PTPRN2: variants seen among roughly 807,000 people sequenced by gnomAD.
PTPRN2 encodes the protein receptor-type tyrosine-protein phosphatase N2.
Under a neutral mutation model 118.8 loss-of-function variants are expected in PTPRN2, and 74 were observed. The ratio of observed to expected loss-of-function variants is 0.62; its 90% confidence interval spans 0.52 to 0.76. The LOEUF (loss-of-function observed/expected upper bound fraction) is 0.76, where lower values mean the gene tolerates loss of function less well. Ranked by LOEUF, PTPRN2 falls within the 30% of genes least tolerant of loss-of-function variation. The pLI is 0.00. For synonymous variants in PTPRN2, 641 were observed against 608.0 expected, an observed-to-expected ratio of 1.05 and a Z score of -0.80; for missense variants, 1,481 against 1,394.4, an observed-to-expected ratio of 1.06 and a Z score of -0.99.
chr7:158,300,458 A>C (rs1800802609), intron 3 of PTPRN2, among the ~76,000 whole-genome samples: 1 of 97,496 alleles, frequency 1.0e-5, no homozygotes, highest in East Asian at 2.8e-4. Context: ...TGAAATTCTC[A>C]AAGATTTTAT....
chr7:157,897,440 A>C (rs1563218894), intron 12 of PTPRN2, among the ~76,000 whole-genome samples: 1 of 152,092 alleles, frequency 6.6e-6, no homozygotes, highest in Non-Finnish European at 1.5e-5. Flanking sequence ...AAGAGACAGC[A>C]AGCTCCCGGG....
At chr7:158,452,451 G>A (rs994329192) in intron 2 of PTPRN2, among the ~76,000 whole-genome samples, 4 of 152,096 alleles carry the variant, frequency 2.6e-5, no homozygotes, top group Admixed American at 2.0e-4. Context: ...GTTCACCGTC[G>A]CCAGGCTCCT....
intron 11 of PTPRN2, among the ~76,000 whole-genome samples, chr7:157,948,831 TG>T (rs1311055751): frequency 3.3e-5 from 5 of 152,240 alleles, no homozygotes; most frequent in South Asian, 2.1e-4. Context: ...GAAGCTCAAC[TG>T]GTGAGTCCGG....
intron 5 of PTPRN2, among the ~76,000 whole-genome samples, chr7:158,171,214 C>A (rs1466857039): frequency 8.2e-6 from 1 of 122,096 alleles, no homozygotes; most frequent in Non-Finnish European, 1.7e-5. Context: ...ACTATATATA[C>A]ACACATATAT....
At chr7:158,166,886 A>G (rs73745195) in intron 6 of PTPRN2, 45 bp downstream of exon 6, 105,234 of 1,419,010 alleles carry the variant, frequency 0.074, 5,243 homozygotes, top group African/African-American at 0.23. Context: ...GGGGCTGGAC[A>G]GAGGACAGTC....
chr7:157,581,529 G>A (rs372598319), intron 17 of PTPRN2, among the ~76,000 whole-genome samples: 2 of 152,210 alleles, frequency 1.3e-5, no homozygotes, highest in Admixed American at 1.3e-4. Flanking sequence ...GAGCCATCTC[G>A]ACGCGCCCGG....
chr7:158,251,771 CATGT>C (rs1189283545), intron 3 of PTPRN2, among the ~76,000 whole-genome samples: 1 of 152,034 alleles, frequency 6.6e-6, no homozygotes, highest in African/African-American at 2.4e-5. Context: ...TGCACGTATG[CATGT>C]GTGTGTCCCC....
chr7:158,326,872 C>T (rs1586273236), intron 2 of PTPRN2, among the ~76,000 whole-genome samples: 1 of 151,904 alleles, frequency 6.6e-6, no homozygotes, highest in East Asian at 2.0e-4. Context: ...TTCTCGCATG[C>T]ACACGTTCTC....
intron 2 of PTPRN2, among the ~76,000 whole-genome samples, chr7:158,474,306 C>T (rs1037792899): frequency 3.3e-5 from 5 of 152,226 alleles, no homozygotes; most frequent in Non-Finnish European, 7.3e-5. Context: ...CTGGAAAACA[C>T]TGCGTGTAAC....
chr7:157,626,625 G>A (rs1011700041), intron 14 of PTPRN2, among the ~76,000 whole-genome samples: 3 of 152,090 alleles, frequency 2.0e-5, no homozygotes, highest in Admixed American at 6.6e-5. Flanking sequence ...CTTTAACTGT[G>A]GGTTTCAAGC....
chr7:158,258,124 C>T (rs1453510087), intron 3 of PTPRN2, among the ~76,000 whole-genome samples: 2 of 152,222 alleles, frequency 1.3e-5, no homozygotes, highest in Non-Finnish European at 2.9e-5. Context: ...TCCAAGCGGG[C>T]ACGTAAGAAC....
At chr7:158,141,543 A>T (rs1190584935) in intron 6 of PTPRN2, among the ~76,000 whole-genome samples, 3 of 152,154 alleles carry the variant, frequency 2.0e-5, no homozygotes, top group Admixed American at 1.3e-4. Flanking sequence ...TTGAGTGAAA[A>T]TTTTTTAAGT....
chr7:158,353,199 C>A lies in PTPRN2; in HGVS notation c.164-36267G>T, dbSNP rs189486292. ...CACCACATCATCCAATACCACGATG[C>A]AGATGTGGTCCTCACTCTTGGCCCT... On this transcript the variant is annotated intron_variant, in intron 2 of 22. Coordinates refer to ENST00000389418, the MANE Select transcript of PTPRN2 (RefSeq NM_002847.5). Among the ~76,000 whole-genome samples, 320 of 152,374 alleles carry A rather than the reference C, an allele frequency of 2.1e-3. 1 individual carries two copies. Among genetic ancestry groups the A allele is most frequent in the African/African-American group, 7.1e-3 (294 of 41,592 alleles).
rs182748317 is a variant in PTPRN2 at position 157,621,114 on chromosome 7, C to G, written c.2344+248G>C. Among the ~76,000 whole-genome samples the G allele has an allele frequency of 3.8e-3, 482 of 127,592 alleles. 17 individuals carry two copies. The highest frequency in any genetic ancestry group is 0.013 in the African/African-American group (452 of 35,676). The allele number at this position is 127,592 out of a possible 152,430, so 83.7% of individuals were successfully genotyped here. A position where few individuals can be genotyped will look rare whatever the true frequency, so the allele number is the denominator to read the frequency against. Reference sequence around the variant, plus strand: ...GGCTGGTATGTACAGGTCAGCACGGCCAGTTTCCCCCTCCTGTAACCCAGT... The same window carrying G: ...GGCTGGTATGTACAGGTCAGCACGGGCAGTTTCCCCCTCCTGTAACCCAGT... On this transcript the variant is annotated intron_variant, in intron 15 of 22. Coordinates refer to ENST00000389418, the MANE Select transcript of PTPRN2 (RefSeq NM_002847.5).
chr7:157,862,606 G>C (rs1187994853), intron 12 of PTPRN2: 1 of 152,272 alleles, frequency 6.6e-6, no homozygotes, highest in African/African-American at 2.4e-5. Flanking sequence ...AATGCCTTGA[G>C]AGTGGAACCA....
At chr7:158,502,855 A>G (rs1437976068) in intron 1 of PTPRN2, among the ~76,000 whole-genome samples, 1 of 151,694 alleles carries the variant, frequency 6.6e-6, no homozygotes, top group East Asian at 1.9e-4. Flanking sequence ...CACTGTGTCC[A>G]TCAGCCACTG....
At chr7:157,887,613 T>C (rs1216724629) in intron 12 of PTPRN2, among the ~76,000 whole-genome samples, 7 of 72,882 alleles carry the variant, frequency 9.6e-5, no homozygotes, top group African/African-American at 4.6e-4. Context: ...CAGTACATGC[T>C]TCCCCCAGTA....
At chr7:157,789,309 G>A (rs1400427907) in intron 12 of PTPRN2, among the ~76,000 whole-genome samples, 1 of 152,182 alleles carries the variant, frequency 6.6e-6, no homozygotes, top group South Asian at 2.1e-4. Context: ...GGCTTCTACT[G>A]TTTCTAAGCT....
intron 11 of PTPRN2, among the ~76,000 whole-genome samples, chr7:158,054,505 C>T (rs965934671): frequency 2.6e-5 from 4 of 152,198 alleles, no homozygotes; most frequent in Non-Finnish European, 2.9e-5. Context: ...TGAAACATGC[C>T]GTGAGATTAT....
Sources: allele counts gnomAD v4.1 joint callset (sites outside exome capture counted in the v4.1 genomes callset), GRCh38; gene constraint gnomAD v4.1.1; transcripts MANE v1.5; gene names NCBI Gene and HGNC (gene_info 2026-07-23, HGNC 2026-07-21).